Variants in VPS8 observed in about 807,000 individuals in gnomAD.
VPS8 encodes the protein vacuolar protein sorting-associated protein 8 homolog.
A neutral mutation model predicts 216.4 loss-of-function variants in VPS8; 129 were observed. The ratio of observed to expected loss-of-function variants is 0.60; its 90% CI spans 0.52 to 0.69. The LOEUF is 0.69. Among genes scored for constraint, VPS8 ranks in the 30% least tolerant of loss-of-function variants. The pLI is 0.00. For missense variants in VPS8, 1,531 were observed against 1,683.5 expected, an observed-to-expected ratio of 0.91 and a Z score of 1.59; for synonymous variants, 571 against 565.4, an observed-to-expected ratio of 1.01 and a Z score of -0.14.
rs547029120 is a variant in VPS8, at chr3:184,904,351, T to C, written c.2146+3379T>C. ...ATTTCATCATTAAATTTGATGTAGA[T>C]GGTCTTAGCCATTTGATGAAGTTTT... On this transcript the variant is annotated intron_variant, in intron 25 of 47. Transcript: ENST00000625842. 3.3e-5 allele frequency among the ~76,000 whole-genome samples: 5 copies of C among 152,362 alleles called. No homozygotes were observed. In the South Asian group the frequency reaches 1.0e-3, roughly 32 times the overall value.
At chr3:184,828,635 T>C (rs1171669437) in intron 3 of VPS8, among the ~76,000 whole-genome samples, 1 of 152,218 alleles carries the variant, frequency 6.6e-6, no homozygotes, top group Non-Finnish European at 1.5e-5. Flanking sequence ...TTGGCCTCAT[T>C]AAGACCAAGT....
intron 40 of VPS8, among the ~76,000 whole-genome samples, chr3:184,974,344 G>A (rs1748914439): frequency 6.6e-6 from 1 of 151,968 alleles, no homozygotes; most frequent in Non-Finnish European, 1.5e-5. Context: ...CATTTGTATG[G>A]CTGACATCTT....
chr3:184,837,756 A>G (rs1040776808), intron 5 of VPS8, among the ~76,000 whole-genome samples: 3 of 152,238 alleles, frequency 2.0e-5, no homozygotes, highest in African/African-American at 7.2e-5. Flanking sequence ...ATAGAAAAGA[A>G]GATGTGTAAG....
chr3:184,911,340 A>C (rs1056192744), intron 25 of VPS8, among the ~76,000 whole-genome samples: 1 of 152,258 alleles, frequency 6.6e-6, no homozygotes, highest in Non-Finnish European at 1.5e-5. Context: ...CTCTCTAGGA[A>C]TATCGTGAGC....
At chr3:184,908,995 G>T (rs887820731) in intron 25 of VPS8, among the ~76,000 whole-genome samples, 3 of 152,218 alleles carry the variant, frequency 2.0e-5, no homozygotes, top group African/African-American at 4.8e-5. Context: ...ACTCCAAGTT[G>T]CAGGTTTCAT....
chr3:184,863,939 G>A (rs1035322281), intron 16 of VPS8, among the ~76,000 whole-genome samples: 1 of 152,042 alleles, frequency 6.6e-6, no homozygotes, highest in African/African-American at 2.4e-5. Flanking sequence ...ACCAAGAAAA[G>A]TCAGAATAAG....
chr3:184,965,428 A>T (rs1747239012), intron 38 of VPS8, among the ~76,000 whole-genome samples: 1 of 152,208 alleles, frequency 6.6e-6, no homozygotes, highest in African/African-American at 2.4e-5. Context: ...GACATTGATG[A>T]GAGGAGAAAC....
intron 31 of VPS8, among the ~76,000 whole-genome samples, chr3:184,927,589 C>T (rs560798147): frequency 1.7e-4 from 26 of 151,444 alleles, no homozygotes; most frequent in African/African-American, 4.8e-4. Context: ...GTAAAATAGA[C>T]GTAACACATA....
intron 32 of VPS8, 56 bp downstream of exon 32, chr3:184,928,589 C>A: frequency 1.6e-6 from 2 of 1,272,764 alleles, no homozygotes; most frequent in Non-Finnish European, 1.0e-6. Flanking sequence ...AATTATATTT[C>A]TTTAACTTAA....
At chr3:184,912,676 TG>T (rs1736781762) in intron 25 of VPS8, among the ~76,000 whole-genome samples, 1 of 152,228 alleles carries the variant, frequency 6.6e-6, no homozygotes, top group African/African-American at 2.4e-5. Context: ...ACATTTGGAA[TG>T]GAAGCAAAAT....
chr3:184,947,014 A>G (rs1008107264), intron 36 of VPS8, among the ~76,000 whole-genome samples: 6 of 152,098 alleles, frequency 3.9e-5, no homozygotes, highest in African/African-American at 1.4e-4. Context: ...CTTAAACAGT[A>G]TTTTAACAAA....
chr3:184,998,157 A>T (rs149980553), intron 44 of VPS8, among the ~76,000 whole-genome samples: 1,634 of 152,296 alleles, frequency 0.011, 32 homozygotes, highest in African/African-American at 0.037. Context: ...TTTTATAATG[A>T]AAGTGAGACT....
intron 31 of VPS8, among the ~76,000 whole-genome samples, chr3:184,927,723 A>G (rs1445496432): frequency 3.3e-5 from 5 of 152,154 alleles, no homozygotes; most frequent in Non-Finnish European, 7.4e-5. Flanking sequence ...CAATTAAATC[A>G]TAACTCCCAC....
chr3:184,829,025 A>G (rs1719418829), intron 3 of VPS8, among the ~76,000 whole-genome samples: 2 of 152,078 alleles, frequency 1.3e-5, no homozygotes, highest in Admixed American at 1.3e-4. Context: ...CCTTAATATT[A>G]TGTTTTTAGA....
intron 45 of VPS8, among the ~76,000 whole-genome samples, chr3:185,023,164 A>G (rs980230144): frequency 6.6e-6 from 1 of 152,236 alleles, no homozygotes; most frequent in African/African-American, 2.4e-5. Flanking sequence ...TTTACAAATT[A>G]ATTAAACAGT....
At chr3:184,835,860 C>T (rs1720978895) in intron 5 of VPS8, among the ~76,000 whole-genome samples, 1 of 152,004 alleles carries the variant, frequency 6.6e-6, no homozygotes. Flanking sequence ...CAGGCGCCTG[C>T]CACCATGCCC....
chr3:185,033,908 T>G lies in VPS8; in HGVS notation c.4056+9519T>G, dbSNP rs1454072864. Among the ~76,000 whole-genome samples, 3 of 152,372 alleles carry G rather than the reference T, an allele frequency of 2.0e-5. No individual in the cohort carries two copies. In the East Asian group the frequency reaches 5.8e-4, roughly 29 times the overall value. On this transcript the variant is annotated intron_variant, in intron 46 of 47. Coordinates refer to ENST00000625842, the MANE Select transcript of VPS8 (RefSeq NM_001009921.3). ...GTTGAGTGTCTTTTGACTCATATGC[T>G]TATTTTCCATTTGTATATCTTTTTT... is the stretch of plus-strand genomic sequence containing the variant.
At chr3:185,018,771 G>A (rs1004331817) in intron 45 of VPS8, among the ~76,000 whole-genome samples, 24 of 152,170 alleles carry the variant, frequency 1.6e-4, no homozygotes, top group African/African-American at 5.6e-4. Context: ...AATCTGGGGG[G>A]TGTATTCTAA....
intron 1 of VPS8, among the ~76,000 whole-genome samples, chr3:184,814,708 G>C (rs910426687): frequency 1.3e-5 from 2 of 152,206 alleles, no homozygotes; most frequent in Non-Finnish European, 2.9e-5. Flanking sequence ...GAGGCAGTGA[G>C]TAGTGAGTGA....
Sources: gnomAD v4.1 joint callset for allele counts (sites outside exome capture counted in the v4.1 genomes callset) on GRCh38, gnomAD v4.1.1 for gene constraint, MANE v1.5 for transcripts, NCBI Gene and HGNC (gene_info 2026-07-23, HGNC 2026-07-21) for gene names.